PRMT8: variants seen among roughly 807,000 people sequenced by gnomAD.
The protein encoded by PRMT8 is protein arginine methyltransferase 8.
In PRMT8, 7 loss-of-function variants were observed where a neutral mutation model predicts 47.1. That is an observed-to-expected ratio of 0.15 (90% CI 0.08 to 0.28). The LOEUF (loss-of-function observed/expected upper bound fraction) is 0.28, where lower values mean the gene tolerates loss of function less well. Among genes scored for constraint, PRMT8 ranks in the 10% least tolerant of loss-of-function variants. PRMT8 has a pLI of 1.00. For missense variants in PRMT8, 237 were observed against 505.4 expected, an observed-to-expected ratio of 0.47 and a Z score of 5.09; for synonymous variants, 188 against 186.5, an observed-to-expected ratio of 1.01 and a Z score of -0.07.
chr12:3,547,790 T>C (rs1165009405), intron 2 of PRMT8, among the ~76,000 whole-genome samples: 1 of 152,176 alleles, frequency 6.6e-6, no homozygotes, highest in African/African-American at 2.4e-5. Context: ...AGCTGCAAAG[T>C]GTTCTTGGAT....
intron 4 of PRMT8, among the ~76,000 whole-genome samples, chr12:3,556,488 C>T (rs930166650): frequency 1.3e-5 from 2 of 151,944 alleles, no homozygotes; most frequent in African/African-American, 4.8e-5. Flanking sequence ...GAAGTGACCA[C>T]CATTGACTTT....
chr12:3,515,203 G>T (rs1229754760), intron 1 of PRMT8, among the ~76,000 whole-genome samples: 2 of 152,212 alleles, frequency 1.3e-5, no homozygotes, highest in Non-Finnish European at 2.9e-5. Flanking sequence ...TGCTGGCTGT[G>T]GTTTTGATTG....
chr12:3,495,155 C>T (rs764556509), intron 1 of PRMT8, among the ~76,000 whole-genome samples: 6 of 152,224 alleles, frequency 3.9e-5, no homozygotes, highest in Non-Finnish European at 8.8e-5. Flanking sequence ...CTCACCTCTG[C>T]CCTCACTAAG....
intron 1 of PRMT8, among the ~76,000 whole-genome samples, chr12:3,414,219 G>A (rs960577229): frequency 1.3e-5 from 2 of 152,226 alleles, no homozygotes; most frequent in Admixed American, 1.3e-4. Context: ...AGGCAAGAAA[G>A]CTGGAGAAAA....
At chr12:3,442,340 A>G (rs562035837) in intron 1 of PRMT8, among the ~76,000 whole-genome samples, 2 of 151,542 alleles carry the variant, frequency 1.3e-5, no homozygotes, top group African/African-American at 4.8e-5. Context: ...AGAAAGAATA[A>G]AAAAAAAACA....
At chr12:3,554,842 C>T (rs1866497305) in intron 4 of PRMT8, among the ~76,000 whole-genome samples, 3 of 152,174 alleles carry the variant, frequency 2.0e-5, no homozygotes, top group African/African-American at 4.8e-5. Flanking sequence ...ATGGATGCAG[C>T]CCTTGCCATG....
At chr12:3,443,169 T>C (rs1382661718) in intron 1 of PRMT8, among the ~76,000 whole-genome samples, 1 of 152,192 alleles carries the variant, frequency 6.6e-6, no homozygotes, top group Non-Finnish European at 1.5e-5. Flanking sequence ...GAGGATGACA[T>C]CTCACACTGT....
chr12:3,384,504 A>G (rs1864121684), intron 1 of PRMT8, among the ~76,000 whole-genome samples: 1 of 152,232 alleles, frequency 6.6e-6, no homozygotes, highest in Non-Finnish European at 1.5e-5. Context: ...CTGGAGGCAG[A>G]CAGTTCCAGG....
chr12:3,590,353 C>G (rs891226186), intron 8 of PRMT8, among the ~76,000 whole-genome samples: 1 of 152,176 alleles, frequency 6.6e-6, no homozygotes, highest in African/African-American at 2.4e-5. Context: ...TTTGAAAGCT[C>G]TTAGAGGTCA....
chr12:3,563,694 C>T (rs79562897), intron 4 of PRMT8, among the ~76,000 whole-genome samples: 285 of 152,192 alleles, frequency 1.9e-3, no homozygotes, highest in Middle Eastern at 3.4e-3. Flanking sequence ...AAAGGAACCA[C>T]GGAGAGGCAC....
intron 1 of PRMT8, among the ~76,000 whole-genome samples, chr12:3,455,411 T>G (rs1236478436): frequency 2.6e-5 from 4 of 152,140 alleles, no homozygotes; most frequent in Non-Finnish European, 5.9e-5. Context: ...ACAGACAGGA[T>G]GGAGGGAGGG....
In PRMT8 at chr12:3,453,540, A is replaced by G. The variant is rs1000994711; in HGVS notation, c.48+72098A>G. Among the ~76,000 whole-genome samples the G allele has an allele frequency of 2.0e-5, 3 of 152,154 alleles. No homozygotes were observed. The highest frequency in any genetic ancestry group is 7.2e-5 in the African/African-American group (3 of 41,420). Reference sequence around the variant, plus strand: ...TCAGAGGCCCTGCTTTCTCCTGGGGAAGCCAGACGCTGCATTCCGCATGCC... The same window carrying G: ...TCAGAGGCCCTGCTTTCTCCTGGGGGAGCCAGACGCTGCATTCCGCATGCC... On this transcript the variant is annotated intron_variant, in intron 1 of 9. Coordinates refer to the PRMT8 transcript ENST00000452611. This position sits in a 1 kb window ranked among gnomAD's most constrained non-coding sequence, Gnocchi z 4.9.
intron 1 of PRMT8, among the ~76,000 whole-genome samples, chr12:3,506,132 C>T (rs1591574613): frequency 6.6e-6 from 1 of 152,318 alleles, no homozygotes; most frequent in East Asian, 1.9e-4. Flanking sequence ...CTCAGCTCTG[C>T]TGCTTCCTAG....
intron 1 of PRMT8, among the ~76,000 whole-genome samples, chr12:3,423,011 T>G (rs1864560314): frequency 1.3e-5 from 2 of 152,220 alleles, no homozygotes; most frequent in South Asian, 4.1e-4. Context: ...GAAGTACAGG[T>G]AGCAAACAAG....
intron 8 of PRMT8, among the ~76,000 whole-genome samples, chr12:3,587,370 A>G (rs1329922159): frequency 6.6e-6 from 1 of 151,394 alleles, no homozygotes; most frequent in South Asian, 2.1e-4. Context: ...AGGTAAATAC[A>G]TTAGTTAATA....
At chr12:3,438,048 G>T (rs534746500) in intron 1 of PRMT8, among the ~76,000 whole-genome samples, 1 of 152,302 alleles carries the variant, frequency 6.6e-6, no homozygotes, top group African/African-American at 2.4e-5. Flanking sequence ...CTTGCCCTGA[G>T]TCTACGATTC....
At chr12:3,585,360 TTTTTTTTTTTTTC>T in intron 8 of PRMT8, among the ~76,000 whole-genome samples, 1 of 129,766 alleles carries the variant, frequency 7.7e-6, no homozygotes, top group African/African-American at 3.0e-5. Flanking sequence ...TTTTTTTTTT[TTTTTTTTTTTTTC>T]TCAGAGACAA....
chr12:3,531,624 C>G (rs753478401), intron 1 of PRMT8, among the ~76,000 whole-genome samples: 2 of 152,216 alleles, frequency 1.3e-5, no homozygotes, highest in Non-Finnish European at 2.9e-5. Flanking sequence ...CACCAAGAGA[C>G]AGCCAGGGCT....
At chr12:3,589,469 C>T (rs1447221339) in intron 8 of PRMT8, among the ~76,000 whole-genome samples, 2 of 152,138 alleles carry the variant, frequency 1.3e-5, no homozygotes, top group South Asian at 2.1e-4. Context: ...TCTACCTTCC[C>T]AAAGGAGGTC....
Sources: gnomAD v4.1 joint callset for allele counts (sites outside exome capture counted in the v4.1 genomes callset) on GRCh38, gnomAD v4.1.1 for gene constraint, Gnocchi (gnomAD v3.1) non-coding constraint, MANE v1.5 for transcripts, NCBI Gene and HGNC (gene_info 2026-07-23, HGNC 2026-07-21) for gene names.